TTYH3: variants seen among roughly 807,000 people sequenced by gnomAD.
The protein encoded by TTYH3 is protein tweety homolog 3.
In TTYH3, 23 loss-of-function variants were observed where a neutral mutation model predicts 68.2. The observed-to-expected ratio is 0.34, with a 90% CI of 0.24 to 0.48. TTYH3 has a LOEUF of 0.48. TTYH3 is among the 20% of genes least tolerant of loss of function. The pLI, the probability that TTYH3 is intolerant of heterozygous loss-of-function variation, is 0.99. For missense variants in TTYH3, 768 were observed against 727.7 expected (o/e 1.06, Z -0.64); for synonymous variants, 360 against 332.8 (o/e 1.08, Z -0.89).
rs935640230 is a variant in TTYH3 at position 2,653,025 on chromosome 7, G to A, written c.1020+15G>A. The A allele has an allele frequency of 1.2e-5, 19 of 1,556,818 alleles. No individual in the cohort carries two copies. In the African/African-American group the frequency reaches 2.6e-4, roughly 21 times the overall value. On this transcript the variant is annotated intron_variant, in intron 9 of 13. Coordinates refer to ENST00000258796, the MANE Select transcript of TTYH3 (RefSeq NM_025250.3). ...CGGCCACTAAGGTGAGGGGCTGCGG[G>A]GTAGGCACTGGGGCAGGCAGGGCTC...
chr7:2,660,332 A>C (rs1786460969), intron 13 of TTYH3: 1 of 984,464 alleles, frequency 1.0e-6, no homozygotes, highest in African/African-American at 1.8e-5. Context: ...CCCTTCTGTC[A>C]CCTCCCAGTG....
intron 1 of TTYH3, among the ~76,000 whole-genome samples, chr7:2,644,173 C>T (rs1401016410): frequency 2.6e-5 from 4 of 152,098 alleles, no homozygotes; most frequent in Admixed American, 6.5e-5. Flanking sequence ...GCTCTGGTCC[C>T]GGGGGGCATG....
At position 2,632,292 on chromosome 7, in the gene TTYH3, C is replaced by T. The variant is rs929264134; in HGVS notation, c.123+14C>T. On this transcript the variant is annotated intron_variant, in intron 1 of 13. Transcript: ENST00000258796. ...GACTACCAGCAGGTGACATGGGCCT[C>T]TCGGGGTCGCGGGGTCAGGGACCCC... The T allele has an allele frequency of 1.3e-6, 2 of 1,560,688 alleles. No individual in the cohort carries two copies. Among genetic ancestry groups the T allele is most frequent in the Admixed American group, 1.8e-5 (1 of 54,408 alleles).
Position 2,647,147 on chromosome 7 carries a change from G to A in TTYH3, c.299G>A (p.Gly100Asp), listed in dbSNP as rs1198391209. ...CACGGGCCCGCCCTCTCCAGCGCCG[G>A]CATCGCAGTGGGATTCTACGGCAAC... ...VIIATLVCSA[G>D]IAVGFYGNGE... Residue 100 changes from glycine (G) to aspartate (D), a missense_variant, in exon 3 of 14, where the codon GGC (glycine) becomes GAC (aspartate). Coordinates refer to ENST00000258796, the MANE Select transcript of TTYH3 (RefSeq NM_025250.3). 7 of 1,602,586 alleles carry A rather than the reference G, an allele frequency of 4.4e-6. No individual in the cohort carries two copies. Among genetic ancestry groups the A allele is most frequent in the Non-Finnish European group, 5.1e-6 (6 of 1,176,460 alleles).
At chr7:2,654,499 TTTGA>T (rs1786280619) in intron 9 of TTYH3, among the ~76,000 whole-genome samples, 2 of 152,170 alleles carry the variant, frequency 1.3e-5, no homozygotes, top group Middle Eastern at 6.8e-3. Flanking sequence ...ACACAATTGC[TTTGA>T]TTTAAAGTTA....
rs80073672 is a variant in TTYH3 at position 2,646,508 on chromosome 7, T to C, written c.124-345T>C. Among the ~76,000 whole-genome samples the C allele has an allele frequency of 3.8e-3, 580 of 152,300 alleles. 7 individuals carry two copies. Among genetic ancestry groups the C allele is most frequent in the African/African-American group, 0.013 (539 of 41,578 alleles). On this transcript the variant is annotated intron_variant, in intron 1 of 13. Coordinates refer to ENST00000258796, the MANE Select transcript of TTYH3 (RefSeq NM_025250.3). The stretch of plus-strand genomic sequence containing the variant: ...GACGTCCTGAGCACCTGCCCTGGAC[T>C]CTGGGGACCCGGTGGGGAGGGGACA...
chr7:2,649,014 G>A lies in TTYH3; in HGVS notation c.723-553G>A, dbSNP rs969410829. On this transcript the variant is annotated intron_variant, in intron 5 of 13. Transcript: ENST00000258796. ...GGTGTGTTTTGGGGATCTGAACTGG[G>A]ATATGGGGGACTCGTGGTGGGGGCA... 3.3e-5 allele frequency among the ~76,000 whole-genome samples: 5 copies of A among 151,728 alleles called. 1 individual carries two copies. The South Asian group carries it at 6.3e-4, about 19-fold the overall frequency.
intron 7 of TTYH3, 119 bp downstream of exon 7, chr7:2,650,107 A>T (rs926427269): frequency 4.0e-6 from 4 of 995,802 alleles, no homozygotes; most frequent in Non-Finnish European, 6.0e-6. Context: ...TCAGGGAGAC[A>T]GGTCCCAGGC....
rs536980770 is a variant in TTYH3 at position 2,660,787 on chromosome 7, G to A, written c.1501-881G>A. Among the ~76,000 whole-genome samples the A allele has an allele frequency of 2.0e-5, 3 of 152,258 alleles. No homozygotes were observed. In the East Asian group the frequency reaches 5.8e-4, roughly 29 times the overall value. ...TGGGGTTCTGAAGCCCTCCTGGGATGGGAGCCAGCCTGCCAGGTCTCCTCA... is the reference window on the plus strand; with the variant it reads ...TGGGGTTCTGAAGCCCTCCTGGGATAGGAGCCAGCCTGCCAGGTCTCCTCA... On this transcript the variant is annotated intron_variant, in intron 13 of 13. Transcript: ENST00000258796.
chr7:2,637,004 G>A (rs1051935908), intron 1 of TTYH3, among the ~76,000 whole-genome samples: 4 of 152,268 alleles, frequency 2.6e-5, no homozygotes, highest in Non-Finnish European at 4.4e-5. Flanking sequence ...CTTTTTGTAG[G>A]TGTGGATGTT....
chr7:2,637,261 C>T (rs1035360162), intron 1 of TTYH3, among the ~76,000 whole-genome samples: 8 of 152,162 alleles, frequency 5.3e-5, no homozygotes, highest in South Asian at 2.1e-4. Flanking sequence ...CTCTGACCCC[C>T]GGCCGGGGGC....
At chr7:2,659,147 C>A in intron 13 of TTYH3, 132 bp downstream of exon 13, 1 of 902,370 alleles carries the variant, frequency 1.1e-6, no homozygotes, top group Non-Finnish European at 1.7e-6. Flanking sequence ...CTGCCACCAC[C>A]GGGGTCCCAG....
chr7:2,654,014 G>A (rs1786264843), intron 9 of TTYH3, among the ~76,000 whole-genome samples: 1 of 151,602 alleles, frequency 6.6e-6, no homozygotes, highest in Non-Finnish European at 1.5e-5. Context: ...TGCGTCTGTG[G>A]GCACAAGTGT....
intron 4 of TTYH3, 146 bp from the exon 5 acceptor site, chr7:2,647,813 C>T (rs1471237616): frequency 9.1e-7 from 1 of 1,094,864 alleles, no homozygotes; most frequent in Middle Eastern, 2.0e-4. Flanking sequence ...TTCTCAAGAA[C>T]TGACACCAGT....
intron 7 of TTYH3, 66 bp downstream of exon 7, chr7:2,650,054 G>A: frequency 2.6e-6 from 4 of 1,562,662 alleles, no homozygotes. Context: ...AAAAGAGTGG[G>A]GTAGCTGAGG....
At position 2,632,152 on chromosome 7, in the gene TTYH3, C is replaced by T. The variant is rs369202126; in HGVS notation, c.-4C>T. On this transcript the variant is annotated 5_prime_UTR_variant, in exon 1 of 14. Coordinates refer to ENST00000258796, the MANE Select transcript of TTYH3 (RefSeq NM_025250.3). ...CGCGCATCCGGAGGCGGCCGGGCCC[C>T]GCCATGGCCGGGGTCAGCTACGCGG... 656 of 1,434,044 alleles carry T rather than the reference C, an allele frequency of 4.6e-4. No individual in the cohort carries two copies. The African/African-American group carries it at 7.9e-3, about 17-fold the overall frequency. 88.8% of individuals were successfully genotyped at this position (1,434,044 alleles called of 1,614,324 possible). A position where few individuals can be genotyped will look rare whatever the true frequency, so the allele number is the denominator to read the frequency against.
At chr7:2,652,754 C>T (rs1461330847) in intron 8 of TTYH3, 164 bp from the exon 9 acceptor site, 17 of 617,958 alleles carry the variant, frequency 2.8e-5, no homozygotes, top group South Asian at 9.8e-5. Flanking sequence ...GGGTGTGTCC[C>T]GGGGGAAGCA....
Position 2,645,605 on chromosome 7 carries a change from A to T in TTYH3, c.124-1248A>T, listed in dbSNP as rs1423438471. On this transcript the variant is annotated intron_variant, in intron 1 of 13. Coordinates refer to ENST00000258796, the MANE Select transcript of TTYH3 (RefSeq NM_025250.3). The surrounding 1 kb of genome is among the most constrained non-coding windows in gnomAD (Gnocchi z 4.8). Reference sequence around the variant, plus strand: ...GGAGCCAGACAGGGCTGTGTGTCCGATGGGGCGCCTGTATGCAGCCTGTAG... The same window carrying T: ...GGAGCCAGACAGGGCTGTGTGTCCGTTGGGGCGCCTGTATGCAGCCTGTAG... 3 of 357,894 alleles carry T rather than the reference A, an allele frequency of 8.4e-6. No individual in the cohort carries two copies. In the Admixed American group the frequency reaches 1.1e-4, roughly 13 times the overall value. The allele number at this position is 357,894 out of a possible 1,614,324, so 22.2% of individuals were successfully genotyped here.
intron 1 of TTYH3, among the ~76,000 whole-genome samples, chr7:2,642,879 A>G (rs1785885718): frequency 6.6e-6 from 1 of 151,258 alleles, no homozygotes; most frequent in Non-Finnish European, 1.5e-5. Flanking sequence ...CCTGGCCAAC[A>G]TGGTGAAAAC....
Sources: gnomAD v4.1 joint callset for allele counts (sites outside exome capture counted in the v4.1 genomes callset) on GRCh38, gnomAD v4.1.1 for gene constraint, Gnocchi (gnomAD v3.1) non-coding constraint, MANE v1.5 for transcripts, NCBI Gene and HGNC (gene_info 2026-07-23, HGNC 2026-07-21) for gene names.